DIS3L2: variants seen among roughly 807,000 people sequenced by gnomAD.
DIS3L2 encodes the protein DIS3 like 3'-5' exoribonuclease 2.
In DIS3L2, 34 loss-of-function variants were observed where a neutral mutation model predicts 97.5. The observed-to-expected ratio is 0.35, with a 90% CI of 0.27 to 0.46. The LOEUF (loss-of-function observed/expected upper bound fraction) is 0.46. Among genes scored for constraint, DIS3L2 ranks in the 20% least tolerant of loss-of-function variants. The pLI, the probability that DIS3L2 is intolerant of heterozygous loss-of-function variation, is 1.00. For synonymous variants in DIS3L2, 435 were observed against 445.2 expected (o/e 0.98, Z 0.29); for missense variants, 1,038 against 1,146.0 (o/e 0.91, Z 1.36).
intron 1 of DIS3L2, among the ~76,000 whole-genome samples, chr2:231,982,384 T>C (rs1693287085): frequency 6.6e-6 from 1 of 152,322 alleles, no homozygotes; most frequent in South Asian, 2.1e-4. Context: ...GGAAGCAAGA[T>C]ATTATATTTG....
At chr2:232,024,734 A>T (rs752131863) in intron 4 of DIS3L2, among the ~76,000 whole-genome samples, 2 of 152,172 alleles carry the variant, frequency 1.3e-5, no homozygotes, top group Non-Finnish European at 2.9e-5. Context: ...CATTTGTCCA[A>T]AAATAACGTG....
intron 14 of DIS3L2, among the ~76,000 whole-genome samples, chr2:232,321,393 C>T (rs1695426974): frequency 6.6e-6 from 1 of 152,178 alleles, no homozygotes. Context: ...CCTCTTGGAA[C>T]AGTCTAGAAA....
At chr2:232,189,275 A>G (rs1006991583) in intron 9 of DIS3L2, among the ~76,000 whole-genome samples, 2 of 152,220 alleles carry the variant, frequency 1.3e-5, no homozygotes, top group Non-Finnish European at 1.5e-5. Context: ...CTGTACATGA[A>G]TTTCTATAGC....
chr2:232,112,888 A>G (rs1697582190), intron 6 of DIS3L2, among the ~76,000 whole-genome samples: 1 of 152,170 alleles, frequency 6.6e-6, no homozygotes, highest in Non-Finnish European at 1.5e-5. Flanking sequence ...AGGGCTTGCC[A>G]AGTGAAAGAG....
chr2:232,256,102 T>C (rs1406069844), intron 12 of DIS3L2, among the ~76,000 whole-genome samples: 1 of 152,204 alleles, frequency 6.6e-6, no homozygotes, highest in Non-Finnish European at 1.5e-5. Flanking sequence ...AAGCCTTGTC[T>C]CTCCATTAAA....
chr2:232,193,636 A>AT (rs1236266673), intron 9 of DIS3L2, among the ~76,000 whole-genome samples: 6 of 152,170 alleles, frequency 3.9e-5, no homozygotes, highest in Non-Finnish European at 1.5e-5. Context: ...TTCATCTATC[A>AT]TTGGGTATTA....
At chr2:232,309,023 C>G (rs554154566) in intron 14 of DIS3L2, among the ~76,000 whole-genome samples, 2 of 152,150 alleles carry the variant, frequency 1.3e-5, no homozygotes, top group Admixed American at 1.3e-4. Context: ...CAGGGGCAGG[C>G]CCGGGGCTTC....
chr2:232,277,152 C>G (rs1380738282), intron 13 of DIS3L2, among the ~76,000 whole-genome samples: 1 of 148,484 alleles, frequency 6.7e-6, no homozygotes, highest in Non-Finnish European at 1.5e-5. Flanking sequence ...TTGGCTAGGT[C>G]CCTGAAGGGA....
chr2:232,313,289 T>A (rs1195279471), intron 14 of DIS3L2, among the ~76,000 whole-genome samples: 1 of 152,056 alleles, frequency 6.6e-6, no homozygotes, highest in Non-Finnish European at 1.5e-5. Flanking sequence ...ATTTGGGAAC[T>A]TTTTTTTAAG....
chr2:232,318,611 G>A (rs970144395), intron 14 of DIS3L2, among the ~76,000 whole-genome samples: 1 of 152,202 alleles, frequency 6.6e-6, no homozygotes, highest in African/African-American at 2.4e-5. Context: ...CCCCGCATGG[G>A]AAGGCCAGCG....
intron 5 of DIS3L2, among the ~76,000 whole-genome samples, chr2:232,059,381 C>T (rs969959262): frequency 2.0e-5 from 3 of 152,182 alleles, no homozygotes; most frequent in Non-Finnish European, 4.4e-5. Flanking sequence ...TCACAAGGCT[C>T]GCCATTGGCT....
At position 232,316,760 on chromosome 2, in the gene DIS3L2, C is replaced by CTTA. The variant is rs1695287335; in HGVS notation, c.1740-13047_1740-13045dup. On this transcript the variant is annotated intron_variant, in intron 14 of 20. Coordinates refer to ENST00000325385, the MANE Select transcript of DIS3L2 (RefSeq NM_152383.5). ...AGTTTTAGGTAAGCAAGATATTGTG[C>CTTA]TTATTATTGAATTGTTCTTCTTTAG... Among the ~76,000 whole-genome samples the CTTA allele has an allele frequency of 2.6e-5, 4 of 152,298 alleles. No homozygotes were observed. The South Asian group carries it at 8.3e-4, about 32-fold the overall frequency.
intron 5 of DIS3L2, among the ~76,000 whole-genome samples, chr2:232,034,148 C>A (rs1437221789): frequency 6.6e-6 from 1 of 152,066 alleles, no homozygotes; most frequent in East Asian, 1.9e-4. Flanking sequence ...AATTTCAGAA[C>A]TTATTATTGG....
intron 14 of DIS3L2, among the ~76,000 whole-genome samples, chr2:232,324,973 C>T (rs904381860): frequency 1.3e-5 from 2 of 152,232 alleles, no homozygotes; most frequent in African/African-American, 4.8e-5. Flanking sequence ...ACAGGACCTT[C>T]CTGGCCACAG....
chr2:232,318,990 G>T (rs1695353781), intron 14 of DIS3L2, among the ~76,000 whole-genome samples: 1 of 152,218 alleles, frequency 6.6e-6, no homozygotes, highest in South Asian at 2.1e-4. Flanking sequence ...CTTGAGTGCA[G>T]TGGCCATGGC....
chr2:232,016,774 A>C (rs1028301902), intron 3 of DIS3L2, among the ~76,000 whole-genome samples: 11 of 151,988 alleles, frequency 7.2e-5, no homozygotes, highest in African/African-American at 2.7e-4. Flanking sequence ...GCCATGTGCT[A>C]CCTGGCTCAC....
chr2:232,266,820 A>C (rs989191775), intron 13 of DIS3L2, among the ~76,000 whole-genome samples: 3 of 152,186 alleles, frequency 2.0e-5, no homozygotes, highest in Non-Finnish European at 4.4e-5. Context: ...AAAATAAAAA[A>C]TAAAGTCCAT....
chr2:232,024,123 G>A (rs1290313107), intron 3 of DIS3L2, among the ~76,000 whole-genome samples, 154 bp from the exon 4 acceptor site: 1 of 152,120 alleles, frequency 6.6e-6, no homozygotes, highest in South Asian at 2.1e-4. Flanking sequence ...AACATAAATT[G>A]TGTTTCCTGC....
At chr2:232,205,952 A>C (rs998123458) in intron 9 of DIS3L2, among the ~76,000 whole-genome samples, 13 of 152,142 alleles carry the variant, frequency 8.5e-5, no homozygotes, top group African/African-American at 3.1e-4. Flanking sequence ...ACATGGTCAA[A>C]TGGGCCCTTG....
Sources: gnomAD v4.1 joint callset for allele counts (sites outside exome capture counted in the v4.1 genomes callset) on GRCh38, gnomAD v4.1.1 for gene constraint, MANE v1.5 for transcripts, NCBI Gene and HGNC (gene_info 2026-07-23, HGNC 2026-07-21) for gene names.